The following UBE2K variants were observed in gnomAD, a reference collection of about 807,000 sequenced individuals.
The protein encoded by UBE2K is ubiquitin-conjugating enzyme E2 K.
In UBE2K, 6 loss-of-function variants were observed where a neutral mutation model predicts 30.0. The ratio of observed to expected loss-of-function variants is 0.20; its 90% CI spans 0.11 to 0.39. UBE2K has a LOEUF of 0.39. Ranked by LOEUF, UBE2K falls within the 10% of genes least tolerant of loss-of-function variation. The pLI is 1.00. For missense variants in UBE2K, 61 were observed against 241.6 expected (o/e 0.25, Z 4.96); for synonymous variants, 86 against 83.7 (o/e 1.03, Z -0.15).
intron 1 of UBE2K, among the ~76,000 whole-genome samples, chr4:39,733,871 A>T (rs1170405675): frequency 1.3e-5 from 2 of 152,096 alleles, no homozygotes; most frequent in Non-Finnish European, 2.9e-5. Context: ...ACCATTCTCC[A>T]TGTCTTGCTT....
intron 1 of UBE2K, among the ~76,000 whole-genome samples, chr4:39,715,819 G>T (rs180854871): frequency 1.3e-5 from 2 of 151,002 alleles, no homozygotes; most frequent in African/African-American, 4.9e-5. Flanking sequence ...TCCTGCTCTG[G>T]AGGCACTGTG....
Position 39,774,826 on chromosome 4 carries a change from C to G in UBE2K, c.300-8C>G, listed in dbSNP as rs1713190871. 1 of 1,458,994 alleles carries G rather than the reference C, an allele frequency of 6.9e-7. No individual in the cohort carries two copies. Among genetic ancestry groups the G allele is most frequent in the South Asian group, 1.5e-5 (1 of 64,684 alleles). 90.4% of individuals were successfully genotyped at this position (1,458,994 alleles called of 1,614,324 possible). ...TTAATTGGGATATTTTCATGTTTTG[C>G]ATTTTAGGGCAGCTGCAATGACTCT... On this transcript the variant is annotated splice_polypyrimidine_tract_variant and splice_region_variant and intron_variant, in intron 4 of 6. Transcript: ENST00000261427.
At chr4:39,765,850 G>T (rs1712286176) in intron 4 of UBE2K, among the ~76,000 whole-genome samples, 2 of 141,712 alleles carry the variant, frequency 1.4e-5, no homozygotes, top group Non-Finnish European at 3.1e-5. Flanking sequence ...GCTCTTGCCT[G>T]TAACCCCAGC....
chr4:39,769,153 T>G (rs1246964589), intron 4 of UBE2K, among the ~76,000 whole-genome samples: 2 of 151,654 alleles, frequency 1.3e-5, no homozygotes, highest in African/African-American at 2.4e-5. Flanking sequence ...ATTTGTCAAA[T>G]TTTAATGTGC....
chr4:39,709,818 A>G (rs1718572934), intron 1 of UBE2K, among the ~76,000 whole-genome samples: 1 of 151,902 alleles, frequency 6.6e-6, no homozygotes, highest in Non-Finnish European at 1.5e-5. Context: ...CATTTGGGAA[A>G]CTCTCAAATG....
In UBE2K at chr4:39,753,355, G is replaced by A. The variant is rs201695844; in HGVS notation, c.217-2302G>A. Among the ~76,000 whole-genome samples, 1,048 of 152,046 alleles carry A rather than the reference G, an allele frequency of 6.9e-3. 13 individuals carry two copies. Among genetic ancestry groups the A allele is most frequent in the African/African-American group, 0.024 (990 of 41,506 alleles). ...CAGCAGTGAGACCTTCTCTGGGGGG[G>A]AAAAAAGGGAGAAATGTTTGTTGTA... On this transcript the variant is annotated intron_variant, in intron 3 of 6. Coordinates refer to ENST00000261427, the MANE Select transcript of UBE2K (RefSeq NM_005339.5).
At chr4:39,710,016 T>TA (rs1718581455) in intron 1 of UBE2K, 1 of 152,062 alleles carries the variant, frequency 6.6e-6, no homozygotes, top group African/African-American at 2.4e-5. Context: ...TTTATTCTCT[T>TA]ACATAAATCT....
intron 1 of UBE2K, among the ~76,000 whole-genome samples, chr4:39,720,001 T>G (rs899807265): frequency 6.6e-6 from 1 of 152,232 alleles, no homozygotes; most frequent in African/African-American, 2.4e-5. Context: ...GCACTGTGAA[T>G]GTGAGTCATT....
chr4:39,706,183 T>A (rs1459211596), intron 1 of UBE2K, among the ~76,000 whole-genome samples: 1 of 151,972 alleles, frequency 6.6e-6, no homozygotes, highest in Non-Finnish European at 1.5e-5. Context: ...AGCTAATTTT[T>A]TGTATTTTTT....
At chr4:39,727,371 G>T (rs1346715064) in intron 1 of UBE2K, among the ~76,000 whole-genome samples, 1 of 151,950 alleles carries the variant, frequency 6.6e-6, no homozygotes, top group Non-Finnish European at 1.5e-5. Flanking sequence ...TCTTATGGGG[G>T]GAGCGCTGAG....
intron 2 of UBE2K, among the ~76,000 whole-genome samples, chr4:39,741,721 T>C (rs1013940281): frequency 3.9e-5 from 6 of 152,200 alleles, no homozygotes; most frequent in Non-Finnish European, 8.8e-5. Context: ...AATAATTCAA[T>C]GACAAAGGAA....
chr4:39,744,333 C>T (rs1307233929), intron 2 of UBE2K, among the ~76,000 whole-genome samples: 2 of 151,760 alleles, frequency 1.3e-5, no homozygotes, highest in African/African-American at 4.8e-5. Flanking sequence ...CCACCATGCC[C>T]AGCTAATTTT....
chr4:39,772,036 CA>C (rs1345681803), intron 4 of UBE2K, among the ~76,000 whole-genome samples: 1 of 152,142 alleles, frequency 6.6e-6, no homozygotes, highest in Non-Finnish European at 1.5e-5. Flanking sequence ...AGTGTTTCGC[CA>C]TGTTGCCCAG....
At chr4:39,730,444 A>G (rs537011339) in intron 1 of UBE2K, among the ~76,000 whole-genome samples, 1 of 151,810 alleles carries the variant, frequency 6.6e-6, no homozygotes, top group Admixed American at 6.6e-5. Flanking sequence ...CCTTTGCCCC[A>G]CAAAGTGTTG....
intron 1 of UBE2K, among the ~76,000 whole-genome samples, chr4:39,729,846 A>G (rs1463085782): frequency 6.6e-6 from 1 of 152,258 alleles, no homozygotes; most frequent in Non-Finnish European, 1.5e-5. Flanking sequence ...CACAGCGTGT[A>G]CGCTCTGCCT....
chr4:39,751,629 T>G (rs1324787055), intron 3 of UBE2K, among the ~76,000 whole-genome samples: 1 of 152,092 alleles, frequency 6.6e-6, no homozygotes, highest in African/African-American at 2.4e-5. Flanking sequence ...GAGCCGAGAT[T>G]GCGCCACTGC....
At chr4:39,777,583 G>T (rs2109418421) in intron 5 of UBE2K, 99 bp from the exon 6 acceptor site, 1 of 1,158,912 alleles carries the variant, frequency 8.6e-7, no homozygotes, top group Non-Finnish European at 1.2e-6. Context: ...ATGTAGATTT[G>T]TTTTATTTGG....
At chr4:39,721,284 C>T (rs1019555893) in intron 1 of UBE2K, among the ~76,000 whole-genome samples, 1 of 152,106 alleles carries the variant, frequency 6.6e-6, no homozygotes, top group African/African-American at 2.4e-5. Flanking sequence ...AACTCAGGAT[C>T]ATTTAGGAAA....
intron 3 of UBE2K, among the ~76,000 whole-genome samples, chr4:39,752,722 A>G (rs942858275): frequency 3.3e-5 from 5 of 152,162 alleles, no homozygotes; most frequent in Non-Finnish European, 7.4e-5. Context: ...TCAATAGTAA[A>G]TAGAGGTTGA....
Sources: gnomAD v4.1 joint callset for allele counts (sites outside exome capture counted in the v4.1 genomes callset) on GRCh38, gnomAD v4.1.1 for gene constraint, MANE v1.5 for transcripts, NCBI Gene and HGNC (gene_info 2026-07-23, HGNC 2026-07-21) for gene names.